The following NDEL1 variants were observed in gnomAD, a reference collection of about 807,000 sequenced individuals.
NDEL1 encodes nuclear distribution protein nudE-like 1.
In NDEL1, 9 loss-of-function variants were observed where a neutral mutation model predicts 45.7. The ratio of observed to expected loss-of-function variants is 0.20; its 90% CI spans 0.12 to 0.34. The LOEUF (loss-of-function observed/expected upper bound fraction) is 0.34, where lower values mean the gene tolerates loss of function less well. Among genes scored for constraint, NDEL1 ranks in the 10% least tolerant of loss-of-function variants. The pLI, the probability that NDEL1 is intolerant of heterozygous loss-of-function variation, is 1.00. For synonymous variants in NDEL1, 133 were observed against 158.6 expected (o/e 0.84, Z 1.21); for missense variants, 306 against 406.2 (o/e 0.75, Z 2.12).
downstream of NDEL1, among the ~76,000 whole-genome samples, chr17:8,473,098 A>G (rs573113328): frequency 6.6e-6 from 1 of 152,268 alleles, no homozygotes; most frequent in South Asian, 2.1e-4. Flanking sequence ...CAGGGCCTGG[A>G]ATTGGTTCAC....
intron 1 of NDEL1, among the ~76,000 whole-genome samples, chr17:8,439,531 G>A (rs1909598458): frequency 6.6e-6 from 1 of 151,950 alleles, no homozygotes; most frequent in South Asian, 2.1e-4. Flanking sequence ...TAGGATTATA[G>A]GCATGAGCCA....
At chr17:8,438,053 G>A (rs1909469813) in intron 1 of NDEL1, among the ~76,000 whole-genome samples, 1 of 152,102 alleles carries the variant, frequency 6.6e-6, no homozygotes, top group Non-Finnish European at 1.5e-5. Context: ...CCACCTCCTG[G>A]ATTCAAGCGA....
chr17:8,428,380 T>TC (rs71159590), intron 1 of NDEL1, among the ~76,000 whole-genome samples: 4 of 147,732 alleles, frequency 2.7e-5, no homozygotes, highest in Admixed American at 6.8e-5. Context: ...TTTTTTTTTT[T>TC]CCGAGACAGA....
At chr17:8,423,218 GAGAAGCAA>G in intron 1 of NDEL1, among the ~76,000 whole-genome samples, 1 of 152,288 alleles carries the variant, frequency 6.6e-6, no homozygotes, top group Middle Eastern at 3.4e-3. Context: ...ACCCCCCCTA[GAGAAGCAA>G]TCCTTAACAT....
At chr17:8,430,683 C>T (rs56033313) in intron 1 of NDEL1, among the ~76,000 whole-genome samples, 33,113 of 152,176 alleles carry the variant, frequency 0.22, 4,394 homozygotes, top group Non-Finnish European at 0.3. Flanking sequence ...ACCCATGCCT[C>T]GGCAAACCCC....
chr17:8,428,322 T>G (rs1005753133), intron 1 of NDEL1, among the ~76,000 whole-genome samples: 34 of 48,580 alleles, frequency 7.0e-4, no homozygotes, highest in African/African-American at 1.7e-3. Flanking sequence ...CAAGTGTGTG[T>G]GGTGTGTGTG....
intron 1 of NDEL1, among the ~76,000 whole-genome samples, chr17:8,414,790 G>T (rs1908505575): frequency 6.6e-6 from 1 of 152,122 alleles, no homozygotes; most frequent in Admixed American, 6.6e-5. Context: ...GAGTAGCTGG[G>T]ATTACAGGCT....
At chr17:8,451,043 G>A in intron 6 of NDEL1, 90 bp downstream of exon 6, 1 of 1,298,450 alleles carries the variant, frequency 7.7e-7, no homozygotes, top group South Asian at 1.7e-5. Context: ...GGTTTAAAGA[G>A]TAATTTTAGT....
chr17:8,438,305 T>A (rs1327474772), intron 1 of NDEL1, among the ~76,000 whole-genome samples: 2 of 152,182 alleles, frequency 1.3e-5, no homozygotes, highest in African/African-American at 4.8e-5. Flanking sequence ...AAATTGTGGA[T>A]GTACCATTAG....
chr17:8,438,542 G>T (rs191466448), intron 1 of NDEL1, among the ~76,000 whole-genome samples: 28 of 152,066 alleles, frequency 1.8e-4, no homozygotes, highest in Non-Finnish European at 3.8e-4. Context: ...TGGAGGCAGG[G>T]TCTCATTTTG....
At chr17:8,473,797 A>G (rs1423738016) in intron 3 of NDEL1, among the ~76,000 whole-genome samples, 1 of 152,210 alleles carries the variant, frequency 6.6e-6, no homozygotes, top group African/African-American at 2.4e-5. Flanking sequence ...GTTGGCCCGC[A>G]CTAGAGAGGC....
At chr17:8,442,326 C>G (rs1181561595) in intron 1 of NDEL1, among the ~76,000 whole-genome samples, 1 of 152,214 alleles carries the variant, frequency 6.6e-6, no homozygotes, top group East Asian at 1.9e-4. Flanking sequence ...TTGCTTACTC[C>G]ATTCCTGAAG....
At chr17:8,430,187 C>T (rs551643249) in intron 1 of NDEL1, among the ~76,000 whole-genome samples, 2 of 152,244 alleles carry the variant, frequency 1.3e-5, no homozygotes, top group Admixed American at 1.3e-4. Flanking sequence ...GCATGTAGAG[C>T]TGGAGGTGGT....
downstream of NDEL1, among the ~76,000 whole-genome samples, chr17:8,471,746 A>G (rs778645419): frequency 1.3e-5 from 2 of 152,206 alleles, no homozygotes; most frequent in Non-Finnish European, 2.9e-5. Context: ...AAGATTCCCA[A>G]CAAGAATGAG....
chr17:8,415,164 C>G (rs577627344), intron 1 of NDEL1, among the ~76,000 whole-genome samples: 123 of 145,768 alleles, frequency 8.4e-4, no homozygotes, highest in African/African-American at 2.9e-3. Flanking sequence ...GTCTCCCTCT[C>G]TCCCTCTCTC....
intron 8 of NDEL1, 82 bp from the exon 9 acceptor site, chr17:8,466,848 A>C: frequency 1.5e-6 from 2 of 1,345,016 alleles, no homozygotes; most frequent in South Asian, 2.4e-5. Flanking sequence ...AAAGCAGATT[A>C]ATTTCCTATT....
At chr17:8,447,018 A>T (rs1287024373) in intron 4 of NDEL1, 116 bp downstream of exon 4, 1 of 1,302,134 alleles carries the variant, frequency 7.7e-7, no homozygotes, top group Non-Finnish European at 1.0e-6. Flanking sequence ...TTGGTGTTTC[A>T]TGTCACCTGT....
At chr17:8,439,593 A>G (rs1909601842) in intron 1 of NDEL1, among the ~76,000 whole-genome samples, 1 of 152,072 alleles carries the variant, frequency 6.6e-6, no homozygotes, top group African/African-American at 2.4e-5. Context: ...TGGCTCATAA[A>G]GGCTATTCCA....
intron 1 of NDEL1, among the ~76,000 whole-genome samples, chr17:8,428,734 C>T (rs1427623566): frequency 6.8e-6 from 1 of 147,860 alleles, no homozygotes; most frequent in Non-Finnish European, 1.5e-5. Flanking sequence ...ACTGCAGTGG[C>T]ATGATCTCGG....
Sources: gnomAD v4.1 joint callset for allele counts (sites outside exome capture counted in the v4.1 genomes callset) on GRCh38, gnomAD v4.1.1 for gene constraint, MANE v1.5 for transcripts, NCBI Gene and HGNC (gene_info 2026-07-23, HGNC 2026-07-21) for gene names.